The following CTU2 variants were observed in gnomAD, a reference collection of about 807,000 sequenced individuals.
CTU2 encodes cytoplasmic tRNA 2-thiolation protein 2.
In CTU2, 80 loss-of-function variants were observed where a neutral mutation model predicts 64.1. The observed-to-expected ratio is 1.25, with a 90% confidence interval of 1.04 to 1.50. The LOEUF is 1.50. CTU2 is among the 40% of genes most tolerant of loss of function. CTU2 has a pLI of 0.00. For missense variants in CTU2, 1,110 were observed against 690.2 expected (o/e 1.61, Z -6.81); for synonymous variants, 482 against 285.3 (o/e 1.69, Z -6.95).
At chr16:88,712,564 C>G in intron 6 of CTU2, 58 bp from the exon 7 acceptor site, 1 of 1,574,092 alleles carries the variant, frequency 6.4e-7, no homozygotes, top group Non-Finnish European at 8.6e-7. Flanking sequence ...GTGGGGCTGT[C>G]TGTGGGGGGC....
In CTU2 at chr16:88,714,258, TGCGCGG is replaced by T. The variant is rs1567652243; in HGVS notation, c.1097+33_1097+38del. 3.7e-6 allele frequency: 6 copies of T among 1,600,308 alleles called. No homozygotes were observed. The East Asian group carries it at 1.1e-4, about 30-fold the overall frequency. Reference sequence around the variant, plus strand: ...GGTGTGTGTGGGTGTGTGCGGGGGGTGCGCGGGTGTGTGCTGTGCGCGGGTGTGTGC... The same window carrying T: ...GGTGTGTGTGGGTGTGTGCGGGGGGTGTGTGTGCTGTGCGCGGGTGTGTGC... On this transcript the variant is annotated intron_variant, in intron 10 of 14. Coordinates refer to ENST00000453996, the MANE Select transcript of CTU2 (RefSeq NM_001012759.3).
Position 88,709,165 on chromosome 16 carries a change from C to G in CTU2, c.144-773C>G, listed in dbSNP as rs148521699. ...TGGCATATATCTGTAACCTGTAGTC[C>G]TATCTACCTGGGTGGCTGAGGCAGA... is the stretch of plus-strand genomic sequence containing the variant. On this transcript the variant is annotated intron_variant, in intron 2 of 14. Coordinates refer to ENST00000453996, the MANE Select transcript of CTU2 (RefSeq NM_001012759.3). 3.4e-3 allele frequency: 515 copies of G among 152,364 alleles called. 2 individuals are homozygous for G. The highest frequency in any genetic ancestry group is 0.01 in the Middle Eastern group (3 of 294). 9.4% of individuals were successfully genotyped at this position (152,364 alleles called of 1,614,324 possible).
Position 88,714,743 on chromosome 16 carries a change from T to C in CTU2, c.1352+6T>C, listed in dbSNP as rs773436528. 97 of 1,605,464 alleles carry C rather than the reference T, an allele frequency of 6.0e-5. 1 individual carries two copies. The Middle Eastern group carries it at 9.9e-4, about 16-fold the overall frequency. On this transcript the variant is annotated splice_donor_region_variant and intron_variant, in intron 12 of 14. Coordinates refer to ENST00000453996, the MANE Select transcript of CTU2 (RefSeq NM_001012759.3). The stretch of plus-strand genomic sequence containing the variant: ...GGCCAGGGGGCCTGCAGGAGGTGAG[T>C]CCCTGTCCCTGCCACCCATGGCCAG...
chr16:88,714,241 TGGGTGTGTGCGGGGGGTGCGC>T lies in CTU2; in HGVS notation c.1097+25_1097+45del. The T allele has an allele frequency of 2.5e-6, 4 of 1,602,212 alleles. No homozygotes were observed. Among genetic ancestry groups the T allele is most frequent in the African/African-American group, 2.9e-5 (2 of 70,172 alleles). ...CACTGTGTACAGGTGTGGGTGTGTG[TGGGTGTGTGCGGGGGGTGCGC>T]GGGTGTGTGCTGTGCGCGGGTGTGT... On this transcript the variant is annotated intron_variant, in intron 10 of 14. Transcript: ENST00000453996.
Position 88,707,227 on chromosome 16 carries a change from GCTGAGA to G in CTU2, c.143+19_143+24del. The G allele has an allele frequency of 6.2e-7, 1 of 1,612,310 alleles. No individual in the cohort carries two copies. Among genetic ancestry groups the G allele is most frequent in the Non-Finnish European group, 8.5e-7 (1 of 1,178,548 alleles). On this transcript the variant is annotated intron_variant, in intron 2 of 14. Coordinates refer to ENST00000453996, the MANE Select transcript of CTU2 (RefSeq NM_001012759.3). The stretch of plus-strand genomic sequence containing the variant: ...CTTCTGCAGGTGAGGCCTGGAGGTG[GCTGAGA>G]CCCTGGCAAACATGGCCTCGCTAGC...
At position 88,712,535 on chromosome 16, in the gene CTU2, G is replaced by A. The variant is rs574950868; in HGVS notation, c.454-87G>A. 13 of 1,532,936 alleles carry A rather than the reference G, an allele frequency of 8.5e-6. No homozygotes were observed. In the African/African-American group the frequency reaches 9.6e-5, roughly 11 times the overall value. The allele number at this position is 1,532,936 out of a possible 1,614,324, so 95.0% of individuals were successfully genotyped here. A position where few individuals can be genotyped will look rare whatever the true frequency, so the allele number is the denominator to read the frequency against. ...CTGCCCGTGCCCCAGCCTCACTGCCGTCTCCCGCATCCCGGAAGGTGGGGC... is the reference window on the plus strand; with the variant it reads ...CTGCCCGTGCCCCAGCCTCACTGCCATCTCCCGCATCCCGGAAGGTGGGGC... On this transcript the variant is annotated intron_variant, in intron 6 of 14. Transcript: ENST00000453996.
rs564928790 is a variant in CTU2 at position 88,712,427 on chromosome 16, G to C, written c.453+44G>C. 2.0e-5 allele frequency: 29 copies of C among 1,486,500 alleles called. 1 individual carries two copies. In the South Asian group the frequency reaches 3.2e-4, roughly 16 times the overall value. The allele number at this position is 1,486,500 out of a possible 1,614,324, so 92.1% of individuals were successfully genotyped here. On this transcript the variant is annotated intron_variant, in intron 6 of 14. Coordinates refer to ENST00000453996, the MANE Select transcript of CTU2 (RefSeq NM_001012759.3). ...GAAAGGGGTCCCGGAGGTGACCCCT[G>C]GGGGGCACCTGCCCGTGTCCCAGCC...
chr16:88,710,108 C>T lies in CTU2; in HGVS notation c.222+92C>T, dbSNP rs899190054. On this transcript the variant is annotated intron_variant, in intron 3 of 14. Coordinates refer to ENST00000453996, the MANE Select transcript of CTU2 (RefSeq NM_001012759.3). ...CACAGGCAGCCTGGCCTGCTGCAGCCCGCCAGCTCCTCCTTGGCCTTTGAG... is the reference window on the plus strand; with the variant it reads ...CACAGGCAGCCTGGCCTGCTGCAGCTCGCCAGCTCCTCCTTGGCCTTTGAG... The T allele has an allele frequency of 3.5e-5, 55 of 1,566,586 alleles. 1 individual carries two copies. The Admixed American group carries it at 6.8e-4, about 20-fold the overall frequency.
Position 88,712,736 on chromosome 16 carries a change from G to C in CTU2, c.568G>C (p.Ala190Pro). The change falls in exon 7 of 15, where the codon GCC becomes CCC. Residue 190 changes from alanine to proline, a missense_variant. Transcript: ENST00000453996. ...CCTCCAGCAGCAGCATGTGCTGGGGGCCGGGGGTGGTCCTGGCCCGACTCA... is the reference window on the plus strand; with the variant it reads ...CCTCCAGCAGCAGCATGTGCTGGGGCCCGGGGGTGGTCCTGGCCCGACTCA... ...SFLQQQHVLG[A>P]GGGPGPTQGE... The C allele has an allele frequency of 6.2e-7, 1 of 1,608,980 alleles. No individual in the cohort carries two copies. The highest frequency in any genetic ancestry group is 1.3e-5 in the African/African-American group (1 of 74,912).
At chr16:88,708,306 A>G (rs369205058) in intron 2 of CTU2, among the ~76,000 whole-genome samples, 1 of 152,184 alleles carries the variant, frequency 6.6e-6, no homozygotes, top group East Asian at 1.9e-4. Context: ...TTAGGAATCT[A>G]CATCGAGCTG....
In CTU2 at chr16:88,713,540, G is replaced by A. The variant is rs1027017172; in HGVS notation, c.873+93G>A. On this transcript the variant is annotated intron_variant, in intron 8 of 14. Coordinates refer to ENST00000453996, the MANE Select transcript of CTU2 (RefSeq NM_001012759.3). Reference sequence around the variant, plus strand: ...GAGTAGCCTCTCGCGTATCAGTCCTGCGGCCTCGGATGGTGGTGGGGTCTG... The same window carrying A: ...GAGTAGCCTCTCGCGTATCAGTCCTACGGCCTCGGATGGTGGTGGGGTCTG... 7.0e-6 allele frequency: 10 copies of A among 1,436,292 alleles called. No individual in the cohort carries two copies. In the African/African-American group the frequency reaches 2.0e-4, roughly 29 times the overall value. 89.0% of individuals were successfully genotyped at this position (1,436,292 alleles called of 1,614,324 possible).
chr16:88,707,492 A>G (rs1046933409), intron 2 of CTU2, among the ~76,000 whole-genome samples: 2 of 151,994 alleles, frequency 1.3e-5, no homozygotes, highest in Non-Finnish European at 2.9e-5. Flanking sequence ...AGACTGGGAT[A>G]AGCTGTAGGA....
chr16:88,706,516 G>A lies in CTU2; in HGVS notation c.-15G>A, dbSNP rs888693976. Reference sequence around the variant, plus strand: ...GCTGTCGCCGCCACAGTCTGCGACGGGACCCGGCGTGCCCATGTGTCAGGT... The same window carrying A: ...GCTGTCGCCGCCACAGTCTGCGACGAGACCCGGCGTGCCCATGTGTCAGGT... On this transcript the variant is annotated 5_prime_UTR_variant, in exon 1 of 15. Transcript: ENST00000453996. The A allele has an allele frequency of 7.0e-7, 1 of 1,428,696 alleles. No homozygotes were observed. Among genetic ancestry groups the A allele is most frequent in the Non-Finnish European group, 9.1e-7 (1 of 1,098,052 alleles). The allele number at this position is 1,428,696 out of a possible 1,614,324, so 88.5% of individuals were successfully genotyped here.
At chr16:88,711,490 T>C (rs1911315608) in intron 4 of CTU2, 145 bp from the exon 5 acceptor site, 1 of 783,166 alleles carries the variant, frequency 1.3e-6, no homozygotes, top group Non-Finnish European at 2.0e-6. Context: ...TGAGTCTGAA[T>C]GGCTTTGTCC....
chr16:88,708,981 A>T (rs780644107), intron 2 of CTU2: 2 of 152,244 alleles, frequency 1.3e-5, no homozygotes, highest in Non-Finnish European at 2.9e-5. Context: ...GTTTATTATG[A>T]ACAAAGATTA....
At position 88,712,859 on chromosome 16, in the gene CTU2, T is replaced by G. The variant is rs1004182593; in HGVS notation, c.691T>G (p.Ser231Ala). The change falls in exon 7 of 15, where the codon TCA becomes GCA. Residue 231 changes from serine to alanine, a missense_variant. By Grantham distance (99) the Ser-to-Ala change is moderately conservative. Coordinates refer to ENST00000453996, the MANE Select transcript of CTU2 (RefSeq NM_001012759.3). ...TGAGGCTCTTTCCCAACTGTTCTGCTCAGTGAGGACACTGACTGCCAAGGA... is the reference window on the plus strand; with the variant it reads ...TGAGGCTCTTTCCCAACTGTTCTGCGCAGTGAGGACACTGACTGCCAAGGA... ...QTEALSQLFC[S>A]VRTLTAKEEL... The G allele has an allele frequency of 6.4e-7, 1 of 1,562,502 alleles. No individual in the cohort carries two copies. Among genetic ancestry groups the G allele is most frequent in the African/African-American group, 1.4e-5 (1 of 72,816 alleles).
intron 4 of CTU2, among the ~76,000 whole-genome samples, chr16:88,711,249 T>A (rs1410507704): frequency 6.6e-6 from 1 of 152,150 alleles, no homozygotes; most frequent in Non-Finnish European, 1.5e-5. Context: ...CGCCCCTGCC[T>A]CTTGCAGGCT....
At chr16:88,714,516 G>T in intron 11 of CTU2, 30 bp downstream of exon 11, 1 of 1,612,406 alleles carries the variant, frequency 6.2e-7, no homozygotes, top group Non-Finnish European at 8.5e-7. Flanking sequence ...GGGGTGATGC[G>T]GGGAGGGAGC....
intron 5 of CTU2, 21 bp from the exon 6 acceptor site, chr16:88,712,253 C>G: frequency 1.3e-6 from 2 of 1,576,274 alleles, no homozygotes; most frequent in Non-Finnish European, 1.7e-6. Flanking sequence ...AGCCCTGACT[C>G]TTTCTGCCTG....
Sources: allele counts gnomAD v4.1 joint callset (sites outside exome capture counted in the v4.1 genomes callset), GRCh38; gene constraint gnomAD v4.1.1; transcripts MANE v1.5; gene names NCBI Gene and HGNC (gene_info 2026-07-23, HGNC 2026-07-21).